The following RUBCN variants were observed in gnomAD, a reference collection of about 807,000 sequenced individuals.
RUBCN encodes rubicon autophagy regulator, also known as run domain Beclin-1-interacting and cysteine-rich domain-containing protein.
In RUBCN, 74 loss-of-function variants were observed where a neutral mutation model predicts 113.2. The ratio of observed to expected loss-of-function variants is 0.65; its 90% CI spans 0.54 to 0.79. RUBCN has a LOEUF of 0.79. Ranked by LOEUF, RUBCN falls within the 30% of genes least tolerant of loss-of-function variation. The pLI, the probability that RUBCN is intolerant of heterozygous loss-of-function variation, is 0.00. For missense variants in RUBCN, 1,109 were observed against 1,251.7 expected (o/e 0.89, Z 1.72); for synonymous variants, 480 against 490.0 (o/e 0.98, Z 0.27).
rs755925338 is a variant in RUBCN, at chr3:197,683,444, A to T, written c.1848-5T>A. ...GAGTGCAGGAAGCAGTGGGAGCTGG[A>T]AAGGGGAGAATCAAGGACGGCTGAA... On this transcript the variant is annotated splice_region_variant and splice_polypyrimidine_tract_variant and intron_variant, in intron 12 of 19. Transcript: ENST00000296343. This position sits in a 1 kb window ranked among gnomAD's most constrained non-coding sequence, Gnocchi z 4.6. 2 of 1,613,794 alleles carry T rather than the reference A, an allele frequency of 1.2e-6. No individual in the cohort carries two copies. The highest frequency in any genetic ancestry group is 2.7e-5 in the African/African-American group (2 of 74,918).
chr3:197,746,049 A>G (rs1281970082), intron 1 of RUBCN, among the ~76,000 whole-genome samples: 2 of 152,226 alleles, frequency 1.3e-5, no homozygotes, highest in African/African-American at 4.8e-5. Flanking sequence ...AAAGAAAGAA[A>G]GAAAAGTATG....
At chr3:197,682,051 T>G in intron 14 of RUBCN, 152 bp from the exon 15 acceptor site, 1 of 713,912 alleles carries the variant, frequency 1.4e-6, no homozygotes, top group Non-Finnish European at 2.5e-6. Context: ...ATGAACCTAT[T>G]GGGAGAGCTA....
At chr3:197,732,882 C>T (rs990700062) in intron 1 of RUBCN, among the ~76,000 whole-genome samples, 4 of 152,084 alleles carry the variant, frequency 2.6e-5, no homozygotes, top group Admixed American at 6.6e-5. Flanking sequence ...TGGGGGAGAC[C>T]CTCGCCTTAT....
At chr3:197,721,020 G>C (rs940341289) in intron 1 of RUBCN, among the ~76,000 whole-genome samples, 8 of 152,020 alleles carry the variant, frequency 5.3e-5, no homozygotes, top group African/African-American at 1.9e-4. Context: ...TGGTTTGCTA[G>C]TATTTTGTGA....
rs771851562 is a variant in RUBCN at position 197,681,259 on chromosome 3, TC to T, written c.2299del (p.Asp767ThrfsTer29). 2 of 1,613,898 alleles carry T rather than the reference TC, an allele frequency of 1.2e-6. No individual in the cohort carries two copies. Among genetic ancestry groups the T allele is most frequent in the Non-Finnish European group, 1.7e-6 (2 of 1,179,966 alleles). Reference protein sequence around the residue: ...AIPSRVLRKWDFSKYYVSNFS... With the variant: ...AIPSRVLRKWXFSKYYVSNFS... ...GTTGCTGACGTAGTACTTGCTGAAGTCCCACTTGCGCAGAACCCGGCTGGGG... is the reference window on the plus strand; with the variant it reads ...GTTGCTGACGTAGTACTTGCTGAAGTCCACTTGCGCAGAACCCGGCTGGGG... On this transcript the variant is annotated frameshift_variant, in exon 16 of 20. Coordinates refer to ENST00000296343, the MANE Select transcript of RUBCN (RefSeq NM_014687.4). LOFTEE classifies it high-confidence loss of function. The surrounding 1 kb of genome is among the most constrained non-coding windows in gnomAD (Gnocchi z 5.5).
Position 197,692,166 on chromosome 3 carries a change from G to A in RUBCN, c.1786+1549C>T, listed in dbSNP as rs544823550. 2.4e-4 allele frequency among the ~76,000 whole-genome samples: 37 copies of A among 152,110 alleles called. No homozygotes were observed. In the South Asian group the frequency reaches 6.7e-3, roughly 27 times the overall value. On this transcript the variant is annotated intron_variant, in intron 11 of 19. Coordinates refer to ENST00000296343, the MANE Select transcript of RUBCN (RefSeq NM_014687.4). Reference sequence around the variant, plus strand: ...AGACTCAGCCCAGTCACCAGTGGCCGATGACTTAATCGATGGTGCCTATAT... The same window carrying A: ...AGACTCAGCCCAGTCACCAGTGGCCAATGACTTAATCGATGGTGCCTATAT...
chr3:197,690,031 CAT>C (rs1279359377), intron 11 of RUBCN, among the ~76,000 whole-genome samples: 1 of 152,236 alleles, frequency 6.6e-6, no homozygotes, highest in Admixed American at 6.5e-5. Context: ...TTAGCTCCCA[CAT>C]ATGAGTGAGA....
intron 16 of RUBCN, among the ~76,000 whole-genome samples, chr3:197,678,699 C>A (rs1375124404): frequency 6.6e-6 from 1 of 150,660 alleles, no homozygotes; most frequent in Non-Finnish European, 1.5e-5. Flanking sequence ...TCCAGACTGT[C>A]GTATGCTCTA....
rs571754948 is a variant in RUBCN at position 197,669,970 on chromosome 3, C to A, written c.*5048G>T. Among the ~76,000 whole-genome samples the A allele has an allele frequency of 6.6e-6, 1 of 152,156 alleles. No homozygotes were observed. Among genetic ancestry groups the A allele is most frequent in the Non-Finnish European group, 1.5e-5 (1 of 68,016 alleles). On this transcript the variant is annotated 3_prime_UTR_variant, in exon 20 of 20. Coordinates refer to ENST00000296343, the MANE Select transcript of RUBCN (RefSeq NM_014687.4). ...GTGGCGTGATCTCGGCTCACTGCAA[C>A]CTCCGCCACCCGGGTTCAAGCAATT...
chr3:197,688,032 C>G (rs554726460), intron 11 of RUBCN, among the ~76,000 whole-genome samples: 55 of 152,210 alleles, frequency 3.6e-4, no homozygotes, highest in Non-Finnish European at 6.8e-4. Context: ...CTGTGCACCC[C>G]CTTTTTCTTT....
chr3:197,716,524 G>GA (rs1725534479), intron 2 of RUBCN, among the ~76,000 whole-genome samples: 1 of 151,998 alleles, frequency 6.6e-6, no homozygotes, highest in Non-Finnish European at 1.5e-5. Flanking sequence ...ACCTACTTCT[G>GA]AAAAAAACCA....
rs780013083 is a variant in RUBCN, at chr3:197,683,523, G to A, written c.1848-84C>T. 3.8e-5 allele frequency: 57 copies of A among 1,515,314 alleles called. 2 individuals carry two copies. Among genetic ancestry groups the A allele is most frequent in the South Asian group, 9.2e-5 (8 of 86,528 alleles). The allele number at this position is 1,515,314 out of a possible 1,614,324, so 93.9% of individuals were successfully genotyped here. ...TTCCCTTCATGATCTCATCCCCCAC[G>A]CAGCAACTTCTGGGCTGGAAGAACA... is the stretch of plus-strand genomic sequence containing the variant. On this transcript the variant is annotated intron_variant, in intron 12 of 19. Transcript: ENST00000296343. This position sits in a 1 kb window ranked among gnomAD's most constrained non-coding sequence, Gnocchi z 4.6.
chr3:197,736,257 C>T (rs1156517362), intron 1 of RUBCN, among the ~76,000 whole-genome samples: 8 of 152,170 alleles, frequency 5.3e-5, no homozygotes, highest in Admixed American at 4.6e-4. Context: ...TTCGCGTTGG[C>T]CCCACTTGCT....
chr3:197,694,268 G>T, intron 10 of RUBCN, 107 bp downstream of exon 10: 1 of 955,916 alleles, frequency 1.0e-6, no homozygotes, highest in African/African-American at 1.6e-5. Context: ...AAAAAAGTAG[G>T]ACTACATAGA....
At chr3:197,682,877 G>A (rs1265328322) in intron 13 of RUBCN, among the ~76,000 whole-genome samples, 2 of 152,162 alleles carry the variant, frequency 1.3e-5, no homozygotes, top group Admixed American at 1.3e-4. Flanking sequence ...TACAAGTGAG[G>A]GCCGTGGGTT....
chr3:197,749,356 C>A (rs1243450600), exon 1 of RUBCN: 3 of 1,168,664 alleles, frequency 2.6e-6, no homozygotes, highest in Non-Finnish European at 2.2e-6. Flanking sequence ...GGTACAGACA[C>A]GGGAAACGTT....
Position 197,736,681 on chromosome 3 carries a change from G to A in RUBCN, c.39C>T (p.Gly13=), listed in dbSNP as rs781656982. ...TGCTCTCCTCAGGCAGGCGCTCCTC[G>A]CCGCCTCCGAGCTCCATTCCCGCGC... ...PEGAGMELGG[G]EERLPEESRR... is the part of the protein sequence containing the mutation. Residue 13 remains glycine (G), a synonymous_variant, in exon 1 of 20, where the codon GGC becomes GGT. Transcript: ENST00000296343. 2 of 1,532,172 alleles carry A rather than the reference G, an allele frequency of 1.3e-6. No homozygotes were observed. Among genetic ancestry groups the A allele is most frequent in the Admixed American group, 2.0e-5 (1 of 50,966 alleles). The allele number at this position is 1,532,172 out of a possible 1,614,324, so 94.9% of individuals were successfully genotyped here.
At chr3:197,720,511 G>A (rs538685679) in intron 1 of RUBCN, among the ~76,000 whole-genome samples, 11 of 152,010 alleles carry the variant, frequency 7.2e-5, no homozygotes, top group African/African-American at 2.7e-4. Context: ...AGGTTCAAGC[G>A]ATTCTCCTGC....
rs150701406 is a variant in RUBCN at position 197,717,562 on chromosome 3, A to C, written c.219+415T>G. On this transcript the variant is annotated intron_variant, in intron 2 of 19. Transcript: ENST00000296343. ...AAACCTAGAGAAGCTGGAAAAGGCA[A>C]GGAAGTAGATTCTCTGTGGAGCGTC... Among the ~76,000 whole-genome samples the C allele has an allele frequency of 3.7e-3, 565 of 152,308 alleles. 6 individuals carry two copies. The highest frequency in any genetic ancestry group is 0.013 in the African/African-American group (540 of 41,580).
Sources: gnomAD v4.1 joint callset for allele counts (sites outside exome capture counted in the v4.1 genomes callset) on GRCh38, gnomAD v4.1.1 for gene constraint, Gnocchi (gnomAD v3.1) non-coding constraint, MANE v1.5 for transcripts, NCBI Gene and HGNC (gene_info 2026-07-23, HGNC 2026-07-21) for gene names.